ACYP2: variants seen among roughly 807,000 people sequenced by gnomAD.
ACYP2 encodes the protein acylphosphatase-2.
In ACYP2, 12 loss-of-function variants were observed where a neutral mutation model predicts 11.2. The ratio of observed to expected loss-of-function variants is 1.08; its 90% CI spans 0.69 to 1.74. The LOEUF is 1.74. Among genes scored for constraint, ACYP2 ranks in the 40% most tolerant of loss-of-function variants. ACYP2 has a pLI of 0.00. For missense variants in ACYP2, 134 were observed against 101.9 expected (o/e 1.31, Z -1.35); for synonymous variants, 43 against 32.2 (o/e 1.33, Z -1.13).
intron 4 of ACYP2, among the ~76,000 whole-genome samples, chr2:54,095,343 C>T (rs1049918096): frequency 2.0e-5 from 3 of 152,384 alleles, no homozygotes; most frequent in East Asian, 1.9e-4. Flanking sequence ...CTTTCCCCCA[C>T]TTCTATTCCA....
chr2:54,000,363 G>C (rs545302992), intron 2 of ACYP2, among the ~76,000 whole-genome samples: 2 of 152,124 alleles, frequency 1.3e-5, no homozygotes, highest in Non-Finnish European at 1.5e-5. Context: ...CTGAGTTTTA[G>C]CTTTACCAAG....
intron 6 of ACYP2, among the ~76,000 whole-genome samples, chr2:54,238,534 G>C (rs73934411): frequency 3.3e-5 from 5 of 152,186 alleles, no homozygotes; most frequent in African/African-American, 1.2e-4. Flanking sequence ...CGAATGTAAA[G>C]ATAGTATCAT....
At chr2:54,224,829 G>A (rs906456951) in intron 6 of ACYP2, among the ~76,000 whole-genome samples, 1 of 152,210 alleles carries the variant, frequency 6.6e-6, no homozygotes, top group South Asian at 2.1e-4. Flanking sequence ...ACCTTAAAAC[G>A]TTGTAAGGTT....
chr2:54,129,623 A>G (rs956887884), intron 4 of ACYP2, among the ~76,000 whole-genome samples: 7 of 149,868 alleles, frequency 4.7e-5, no homozygotes, highest in African/African-American at 1.7e-4. Context: ...GATATGTACT[A>G]TGGAGATATA....
intron 3 of ACYP2, among the ~76,000 whole-genome samples, chr2:54,054,176 G>A (rs1158664380): frequency 6.6e-6 from 1 of 152,164 alleles, no homozygotes; most frequent in Non-Finnish European, 1.5e-5. Flanking sequence ...TAAGACGTTT[G>A]CTAGACTTCT....
intron 4 of ACYP2, among the ~76,000 whole-genome samples, chr2:54,130,513 A>G (rs1680836438): frequency 6.6e-6 from 1 of 152,176 alleles, no homozygotes. Flanking sequence ...AGAAAAGGAA[A>G]CCATGTTGGG....
intron 6 of ACYP2, among the ~76,000 whole-genome samples, chr2:54,273,822 C>A (rs1688424612): frequency 1.3e-5 from 2 of 152,170 alleles, no homozygotes; most frequent in South Asian, 4.1e-4. Flanking sequence ...AACCTTCCTG[C>A]CCTCCACCTC....
chr2:54,301,377 C>A (rs1573076486), intron 6 of ACYP2, among the ~76,000 whole-genome samples: 1 of 152,128 alleles, frequency 6.6e-6, no homozygotes, highest in African/African-American at 2.4e-5. Flanking sequence ...CCAGAGTTAA[C>A]CCCCCAATTC....
At chr2:54,249,111 A>G (rs1687088702) in intron 6 of ACYP2, among the ~76,000 whole-genome samples, 1 of 152,140 alleles carries the variant, frequency 6.6e-6, no homozygotes, top group Admixed American at 6.6e-5. Context: ...TTTCTTCTGC[A>G]GGCAGTGGTG....
chr2:54,031,552 T>A (rs1218639173), intron 2 of ACYP2, among the ~76,000 whole-genome samples: 1 of 152,158 alleles, frequency 6.6e-6, no homozygotes, highest in Non-Finnish European at 1.5e-5. Context: ...TGGTTCCAAG[T>A]CTTTGCTATT....
intron 6 of ACYP2, among the ~76,000 whole-genome samples, chr2:54,222,349 A>G (rs1180095904): frequency 6.6e-6 from 1 of 152,116 alleles, no homozygotes; most frequent in South Asian, 2.1e-4. Context: ...CAGAAGTTCA[A>G]GAGCAGTCTG....
chr2:54,078,604 CTT>C (rs11326614), intron 4 of ACYP2, among the ~76,000 whole-genome samples: 37 of 141,336 alleles, frequency 2.6e-4, no homozygotes, highest in East Asian at 4.3e-4. Flanking sequence ...TCTCAATAAG[CTT>C]TTTTTTTTTT....
chr2:54,264,074 C>T (rs1176513953), intron 6 of ACYP2, among the ~76,000 whole-genome samples: 1 of 152,100 alleles, frequency 6.6e-6, no homozygotes, highest in African/African-American at 2.4e-5. Flanking sequence ...AATGAAACGA[C>T]GGACCCTCGC....
intron 4 of ACYP2, among the ~76,000 whole-genome samples, chr2:54,100,800 G>C (rs564389612): frequency 6.6e-6 from 1 of 152,200 alleles, no homozygotes; most frequent in African/African-American, 2.4e-5. Context: ...GAAAGTACCT[G>C]GTATTTTCAA....
intron 2 of ACYP2, among the ~76,000 whole-genome samples, chr2:54,012,739 C>T (rs558116606): frequency 5.9e-5 from 9 of 152,280 alleles, no homozygotes; most frequent in Non-Finnish European, 1.3e-4. Context: ...AGTTGCTTGG[C>T]CAGCTTTGGC....
At chr2:54,107,379 A>G (rs986555500) in intron 4 of ACYP2, among the ~76,000 whole-genome samples, 1 of 152,112 alleles carries the variant, frequency 6.6e-6, no homozygotes. Flanking sequence ...TACTATTCTT[A>G]GCTTGTTTTT....
chr2:54,216,500 CTA>C (rs1208645268), intron 6 of ACYP2, among the ~76,000 whole-genome samples: 5 of 150,938 alleles, frequency 3.3e-5, no homozygotes, highest in Non-Finnish European at 7.4e-5. Flanking sequence ...AAATATATCT[CTA>C]TTGATGAATC....
At chr2:54,149,962 A>G (rs1262016143) in intron 6 of ACYP2, among the ~76,000 whole-genome samples, 2 of 152,174 alleles carry the variant, frequency 1.3e-5, no homozygotes, top group African/African-American at 4.8e-5. Flanking sequence ...TTTTTCCAGA[A>G]GGCAATAATC....
chr2:54,198,134 C>T lies in ACYP2; in HGVS notation c.404+59386C>T, dbSNP rs150530177. ...TCCCGGGTTCAAGTGATTCTCCTGCCTTAGCCTCCCAAGTATCTGGGATTA... is the reference window on the plus strand; with the variant it reads ...TCCCGGGTTCAAGTGATTCTCCTGCTTTAGCCTCCCAAGTATCTGGGATTA... On this transcript the variant is annotated intron_variant, in intron 6 of 6. Coordinates refer to ENST00000607452, the MANE Select transcript of ACYP2 (RefSeq NM_001320586.2). 2.0e-3 allele frequency among the ~76,000 whole-genome samples: 298 copies of T among 152,156 alleles called. 2 individuals carry two copies. In the East Asian group the frequency reaches 0.054, roughly 27 times the overall value.
Sources: allele counts gnomAD v4.1 joint callset (sites outside exome capture counted in the v4.1 genomes callset), GRCh38; gene constraint gnomAD v4.1.1; transcripts MANE v1.5; gene names NCBI Gene and HGNC (gene_info 2026-07-23, HGNC 2026-07-21).